PCID2: variants seen among roughly 807,000 people sequenced by gnomAD.
The protein encoded by PCID2 is PCI domain-containing protein 2.
A neutral mutation model predicts 61.3 loss-of-function variants in PCID2; 41 were observed. That is an observed-to-expected ratio of 0.67 (90% CI 0.52 to 0.87). The LOEUF is 0.87. Ranked by LOEUF, PCID2 falls within the 40% of genes least tolerant of loss-of-function variation. The pLI, the probability that PCID2 is intolerant of heterozygous loss-of-function variation, is 0.00. For missense variants in PCID2, 392 were observed against 493.4 expected (o/e 0.79, Z 1.95); for synonymous variants, 187 against 177.8 (o/e 1.05, Z -0.41).
intron 6 of PCID2, among the ~76,000 whole-genome samples, chr13:113,191,419 T>C (rs969522652): frequency 6.6e-6 from 1 of 152,198 alleles, no homozygotes; most frequent in Non-Finnish European, 1.5e-5. Flanking sequence ...TAGCATGTAC[T>C]ATAATATTTT....
intron 7 of PCID2, chr13:113,186,420 C>G (rs956272741): frequency 6.6e-6 from 1 of 152,216 alleles, no homozygotes; most frequent in Non-Finnish European, 1.5e-5. Flanking sequence ...TCACATGTTA[C>G]ACAACATTTC....
intron 7 of PCID2, chr13:113,186,881 C>T (rs2038162854): frequency 6.6e-6 from 1 of 152,134 alleles, no homozygotes; most frequent in South Asian, 2.1e-4. Context: ...CAAAAGTGCC[C>T]AGTACAGAAA....
the PCID2 span, chr13:113,166,232 A>G: frequency 6.6e-6 from 1 of 152,238 alleles, no homozygotes. Context: ...TGAAATTTGG[A>G]TATTTAACCC....
intron 1 of PCID2, chr13:113,207,950 G>A (rs1000489504): frequency 1.6e-6 from 2 of 1,287,166 alleles, no homozygotes; most frequent in Non-Finnish European, 2.3e-6. Context: ...CTGAAGACAG[G>A]CATAGTTTAG....
the PCID2 span, chr13:113,172,338 A>G: frequency 1.2e-3 from 684 of 576,774 alleles, 2 homozygotes; most frequent in South Asian, 3.0e-3. Flanking sequence ...AAAAGAAAAC[A>G]TGAGATACGT....
chr13:113,197,279 A>G, intron 3 of PCID2, 36 bp from the exon 4 acceptor site: 1 of 1,451,794 alleles, frequency 6.9e-7, no homozygotes, highest in Non-Finnish European at 9.7e-7. Context: ...TCACACAATA[A>G]AAACCTAGCA....
At chr13:113,171,766 T>C in the PCID2 span, 5 of 1,612,116 alleles carry the variant, frequency 3.1e-6, no homozygotes, top group Non-Finnish European at 4.2e-6. This position sits in a 1 kb window ranked among gnomAD's most constrained non-coding sequence, Gnocchi z 5.1. Flanking sequence ...AAGACTTCGC[T>C]GAGCACCTCC....
downstream of PCID2, chr13:113,177,487 G>C (rs975984920): frequency 6.6e-6 from 1 of 151,990 alleles, no homozygotes; most frequent in Admixed American, 6.5e-5. Context: ...TTTTGCCTAA[G>C]AGTGGAGGCT....
chr13:113,167,163 AG>A, the PCID2 span, among the ~76,000 whole-genome samples: 2 of 152,090 alleles, frequency 1.3e-5, no homozygotes, highest in African/African-American at 4.8e-5. Flanking sequence ...CTTACATCCT[AG>A]GGAAGAAGTA....
chr13:113,206,823 C>T (rs1314446341), intron 1 of PCID2, among the ~76,000 whole-genome samples: 1 of 152,264 alleles, frequency 6.6e-6, no homozygotes, highest in Non-Finnish European at 1.5e-5. Flanking sequence ...TAGGCATGCA[C>T]ATCTCCATAG....
chr13:113,165,063 C>G, the PCID2 span: 1 of 1,613,458 alleles, frequency 6.2e-7, no homozygotes, highest in Non-Finnish European at 8.5e-7. Flanking sequence ...ACCAGTGTGC[C>G]TGCGGGGTGC....
At chr13:113,177,521 G>C (rs2037224370), downstream of PCID2, 1 of 152,228 alleles carries the variant, frequency 6.6e-6, no homozygotes, top group Non-Finnish European at 1.5e-5. Context: ...AGGAAGGCTA[G>C]AGTGAGCCAT....
At chr13:113,171,832 G>A in the PCID2 span, 6 of 1,613,628 alleles carry the variant, frequency 3.7e-6, no homozygotes, top group Non-Finnish European at 5.1e-6. The surrounding 1 kb of genome is among the most constrained non-coding windows in gnomAD (Gnocchi z 5.1). Flanking sequence ...GCACTGACCT[G>A]GGCAACTCGC....
downstream of PCID2, among the ~76,000 whole-genome samples, chr13:113,175,538 T>C (rs9577476): frequency 0.016 from 2,397 of 152,198 alleles, 167 homozygotes; most frequent in East Asian, 0.21. Flanking sequence ...TACCCAACAC[T>C]GCAAGAGAAC....
chr13:113,190,602 G>T, intron 7 of PCID2: 1 of 305,640 alleles, frequency 3.3e-6, no homozygotes, highest in Non-Finnish European at 5.9e-6. Flanking sequence ...CCTCAGGAAA[G>T]GGAAATGGCA....
chr13:113,190,263 A>C (rs1453263349), intron 7 of PCID2, among the ~76,000 whole-genome samples: 1 of 151,780 alleles, frequency 6.6e-6, no homozygotes, highest in Non-Finnish European at 1.5e-5. Context: ...TATGCACATC[A>C]GAGCCAAATT....
At chr13:113,203,587 T>C (rs994340916) in intron 1 of PCID2, among the ~76,000 whole-genome samples, 14 of 152,202 alleles carry the variant, frequency 9.2e-5, no homozygotes, top group African/African-American at 2.9e-4. Context: ...AAGCTGAAGA[T>C]GGCCCCAAGA....
downstream of PCID2, among the ~76,000 whole-genome samples, chr13:113,173,191 T>C (rs1341831041): frequency 6.6e-6 from 1 of 152,196 alleles, no homozygotes; most frequent in African/African-American, 2.4e-5. Flanking sequence ...CCATGGTATT[T>C]TGTAGAACAG....
intron 3 of PCID2, 94 bp from the exon 4 acceptor site, chr13:113,197,337 G>C (rs1429437347): frequency 1.2e-6 from 1 of 848,700 alleles, no homozygotes; most frequent in East Asian, 2.5e-5. Flanking sequence ...GGTCCCAGTG[G>C]TCCTGGGATG....
Sources: gnomAD v4.1 joint callset for allele counts (sites outside exome capture counted in the v4.1 genomes callset) on GRCh38, gnomAD v4.1.1 for gene constraint, Gnocchi (gnomAD v3.1) non-coding constraint, MANE v1.5 for transcripts, NCBI Gene and HGNC (gene_info 2026-07-23, HGNC 2026-07-21) for gene names.